Variants in PRKCE observed in about 807,000 individuals in gnomAD.
PRKCE encodes protein kinase C epsilon, also known as protein kinase C epsilon type.
PRKCE carries 16 observed loss-of-function variants against 85.4 expected under a neutral mutation model. The ratio of observed to expected loss-of-function variants is 0.19; its 90% CI spans 0.13 to 0.28. The LOEUF is 0.28. Ranked by LOEUF, PRKCE falls within the 10% of genes least tolerant of loss-of-function variation. The pLI is 1.00. For missense variants in PRKCE, 573 were observed against 975.2 expected, an observed-to-expected ratio of 0.59 and a Z score of 5.49; for synonymous variants, 388 against 371.5, an observed-to-expected ratio of 1.04 and a Z score of -0.51.
At chr2:45,737,258 C>A (rs1388864091) in intron 1 of PRKCE, among the ~76,000 whole-genome samples, 2 of 152,194 alleles carry the variant, frequency 1.3e-5, no homozygotes, top group African/African-American at 4.8e-5. Flanking sequence ...ACCCTTGGCC[C>A]ACGTCTTGGC....
intron 10 of PRKCE, among the ~76,000 whole-genome samples, chr2:46,056,720 C>T (rs1331919756): frequency 2.6e-5 from 4 of 152,190 alleles, no homozygotes; most frequent in Non-Finnish European, 5.9e-5. Context: ...ATCATCATGT[C>T]ATCCTTCCAG....
At chr2:45,785,049 C>G (rs944316889) in intron 1 of PRKCE, among the ~76,000 whole-genome samples, 2 of 152,208 alleles carry the variant, frequency 1.3e-5, no homozygotes, top group South Asian at 4.1e-4. Context: ...ATTACCATCT[C>G]TCTAATACTT....
In PRKCE at chr2:46,155,144, G is replaced by A. The variant is rs1053507252; in HGVS notation, c.1920+3915G>A. Among the ~76,000 whole-genome samples the A allele has an allele frequency of 2.0e-5, 3 of 152,120 alleles. No individual in the cohort carries two copies. The highest frequency in any genetic ancestry group is 7.2e-5 in the African/African-American group (3 of 41,404). On this transcript the variant is annotated intron_variant, in intron 13 of 14. Transcript: ENST00000306156. The surrounding 1 kb of genome is among the most constrained non-coding windows in gnomAD (Gnocchi z 4.7). Reference sequence around the variant, plus strand: ...CCTCATGATCCCCCAGCAGCAACGAGGACTTCACCTCACCAGATCTGGCTT... The same window carrying A: ...CCTCATGATCCCCCAGCAGCAACGAAGACTTCACCTCACCAGATCTGGCTT...
intron 2 of PRKCE, among the ~76,000 whole-genome samples, chr2:45,913,135 G>A (rs1361077211): frequency 1.3e-5 from 2 of 152,302 alleles, no homozygotes; most frequent in Non-Finnish European, 2.9e-5. Flanking sequence ...TCTCCTCAGA[G>A]TGTTTTGACT....
intron 2 of PRKCE, among the ~76,000 whole-genome samples, chr2:45,961,692 G>A (rs1285617327): frequency 7.7e-6 from 1 of 130,094 alleles, no homozygotes; most frequent in Non-Finnish European, 1.6e-5. Flanking sequence ...CCATTGCCAG[G>A]ATTCTTTTTT....
intron 14 of PRKCE, among the ~76,000 whole-genome samples, chr2:46,177,137 C>T (rs1036992351): frequency 2.6e-5 from 4 of 152,010 alleles, no homozygotes; most frequent in South Asian, 2.1e-4. Flanking sequence ...AATTTCAGGC[C>T]GAGTATGGTA....
intron 2 of PRKCE, among the ~76,000 whole-genome samples, chr2:45,935,065 T>A (rs1359153744): frequency 2.6e-4 from 28 of 107,210 alleles, no homozygotes; most frequent in Non-Finnish European, 5.6e-4. Context: ...TCACTCTCTC[T>A]CTCACACACA....
intron 1 of PRKCE, among the ~76,000 whole-genome samples, chr2:45,743,075 C>G (rs1201926038): frequency 1.3e-5 from 2 of 152,118 alleles, no homozygotes; most frequent in African/African-American, 4.8e-5. Flanking sequence ...ACAAGTCAGA[C>G]TCAGAATAGA....
At chr2:45,730,195 T>G (rs1023074982) in intron 1 of PRKCE, among the ~76,000 whole-genome samples, 2 of 152,152 alleles carry the variant, frequency 1.3e-5, no homozygotes, top group Non-Finnish European at 1.5e-5. Flanking sequence ...AGGGTTCCGC[T>G]CTGTCACCCA....
At chr2:46,091,257 T>A (rs553589530) in intron 11 of PRKCE, among the ~76,000 whole-genome samples, 1 of 152,192 alleles carries the variant, frequency 6.6e-6, no homozygotes, top group African/African-American at 2.4e-5. Context: ...GCCCTCCCCA[T>A]ACACTTGTAG....
chr2:46,020,729 C>T (rs1706577167), intron 10 of PRKCE, among the ~76,000 whole-genome samples: 1 of 152,090 alleles, frequency 6.6e-6, no homozygotes. Flanking sequence ...GGAGAATTTG[C>T]GTCAGAATCT....
chr2:46,047,791 G>C (rs1238530418), intron 10 of PRKCE, among the ~76,000 whole-genome samples: 2 of 152,106 alleles, frequency 1.3e-5, no homozygotes, highest in African/African-American at 4.8e-5. Context: ...TTTTTCAATA[G>C]GGAGGATATC....
intron 1 of PRKCE, among the ~76,000 whole-genome samples, chr2:45,710,617 A>T (rs1679541703): frequency 6.6e-6 from 1 of 152,252 alleles, no homozygotes; most frequent in Non-Finnish European, 1.5e-5. Flanking sequence ...AGTCCCAAGA[A>T]GTGGCAGGAG....
intron 1 of PRKCE, among the ~76,000 whole-genome samples, chr2:45,816,270 A>G (rs1186707145): frequency 6.6e-6 from 1 of 152,090 alleles, no homozygotes; most frequent in East Asian, 1.9e-4. Flanking sequence ...CAGCCCTGCT[A>G]TGAATATAGA....
intron 1 of PRKCE, among the ~76,000 whole-genome samples, chr2:45,839,376 G>A (rs934706593): frequency 3.3e-4 from 50 of 151,284 alleles, no homozygotes; most frequent in African/African-American, 1.2e-3. Context: ...GGTAGCCAAG[G>A]CACCGTAGTG....
chr2:45,969,671 A>C (rs1055149902), intron 2 of PRKCE, among the ~76,000 whole-genome samples: 3 of 152,160 alleles, frequency 2.0e-5, no homozygotes, highest in African/African-American at 7.2e-5. Flanking sequence ...ATGAGGGAGC[A>C]CCTCATTACC....
chr2:45,821,629 T>C (rs142105310), intron 1 of PRKCE, among the ~76,000 whole-genome samples: 52 of 152,112 alleles, frequency 3.4e-4, no homozygotes, highest in African/African-American at 1.2e-3. Flanking sequence ...GGGACTGGCA[T>C]GTGTCGGGGG....
intron 10 of PRKCE, among the ~76,000 whole-genome samples, chr2:46,057,621 A>G (rs1174819330): frequency 6.6e-6 from 1 of 152,022 alleles, no homozygotes; most frequent in Non-Finnish European, 1.5e-5. Context: ...TTTAGTAGAC[A>G]CGGGGTTTCG....
At chr2:45,937,039 C>G (rs1699514095) in intron 2 of PRKCE, among the ~76,000 whole-genome samples, 1 of 152,122 alleles carries the variant, frequency 6.6e-6, no homozygotes, top group Non-Finnish European at 1.5e-5. Context: ...ATGCTTGGAC[C>G]TTTTGTGGGC....
Sources: gnomAD v4.1 joint callset for allele counts (sites outside exome capture counted in the v4.1 genomes callset) on GRCh38, gnomAD v4.1.1 for gene constraint, Gnocchi (gnomAD v3.1) non-coding constraint, MANE v1.5 for transcripts, NCBI Gene and HGNC (gene_info 2026-07-23, HGNC 2026-07-21) for gene names.